The following KATNA1 variants were observed in gnomAD, a reference collection of about 807,000 sequenced individuals.
The protein encoded by KATNA1 is katanin p60 ATPase-containing subunit A1.
In KATNA1, 42 loss-of-function variants were observed where a neutral mutation model predicts 62.6. That is an observed-to-expected ratio of 0.67 (90% CI 0.52 to 0.87). KATNA1 has a LOEUF of 0.87. Among genes scored for constraint, KATNA1 ranks in the 40% least tolerant of loss-of-function variants. The pLI is 0.00. For missense variants in KATNA1, 498 were observed against 612.5 expected (o/e 0.81, Z 1.97); for synonymous variants, 186 against 201.9 (o/e 0.92, Z 0.67).
intron 7 of KATNA1, among the ~76,000 whole-genome samples, chr6:149,600,251 C>T (rs995864760): frequency 1.3e-5 from 2 of 149,298 alleles, no homozygotes; most frequent in African/African-American, 2.5e-5. Context: ...CCTGTAATCC[C>T]GGCACTTTAT....
intron 1 of KATNA1, among the ~76,000 whole-genome samples, chr6:149,641,949 C>T (rs1780308024): frequency 6.6e-6 from 1 of 152,182 alleles, no homozygotes; most frequent in South Asian, 2.1e-4. Flanking sequence ...GTTGCCCAGG[C>T]TGGAGTGCAG....
intron 4 of KATNA1, among the ~76,000 whole-genome samples, chr6:149,609,814 A>AAAAAAAAAAAAAAAAAAC (rs1562284874): frequency 1.4e-5 from 2 of 141,558 alleles, no homozygotes; most frequent in African/African-American, 5.5e-5. Flanking sequence ...AAAAAAAAAA[A>AAAAAAAAAAAAAAAAAAC]AATAGGCCAG....
At chr6:149,642,742 A>T (rs2114638495) in intron 1 of KATNA1, among the ~76,000 whole-genome samples, 1 of 152,358 alleles carries the variant, frequency 6.6e-6, no homozygotes, top group East Asian at 1.9e-4. Flanking sequence ...TAAAATACTC[A>T]TTTTTAAAGG....
At chr6:149,626,533 C>T (rs1377011842) in intron 3 of KATNA1, among the ~76,000 whole-genome samples, 1 of 149,644 alleles carries the variant, frequency 6.7e-6, no homozygotes, top group Non-Finnish European at 1.5e-5. Context: ...CCGCCCGCCT[C>T]GGCCTCCCAA....
Position 149,601,769 on chromosome 6 carries a change from AG to A in KATNA1, c.730-18del. The A allele has an allele frequency of 6.5e-7, 1 of 1,534,634 alleles. No homozygotes were observed. The highest frequency in any genetic ancestry group is 8.8e-7 in the Non-Finnish European group (1 of 1,141,502). ...CAGTACTCCCTGTTGCGAATATAATAGCCTCAGCAGAGGATTTATCTGCCAT... is the reference window on the plus strand; with the variant it reads ...CAGTACTCCCTGTTGCGAATATAATACCTCAGCAGAGGATTTATCTGCCAT... On this transcript the variant is annotated intron_variant, in intron 6 of 10. Transcript: ENST00000367411.
chr6:149,604,714 GTCTT>G lies in KATNA1; in HGVS notation c.566_569del (p.Lys189ThrfsTer2), dbSNP rs772419778. The G allele has an allele frequency of 1.4e-5, 23 of 1,611,762 alleles. No homozygotes were observed. The highest frequency in any genetic ancestry group is 2.0e-5 in the Non-Finnish European group (23 of 1,177,884). ...TATCTCTTTCCAAAGCTTCTACTAAGTCTTTATCATATCCGGTACTATCAAATTT... is the reference window on the plus strand; with the variant it reads ...TATCTCTTTCCAAAGCTTCTACTAAGTATCATATCCGGTACTATCAAATTT... On this transcript the variant is annotated frameshift_variant, in exon 5 of 11. Coordinates refer to ENST00000367411, the MANE Select transcript of KATNA1 (RefSeq NM_007044.4). LOFTEE classifies it high-confidence loss of function.
intron 3 of KATNA1, among the ~76,000 whole-genome samples, chr6:149,625,614 AC>A (rs1405407136): frequency 5.3e-5 from 8 of 151,914 alleles, no homozygotes; most frequent in African/African-American, 1.9e-4. Flanking sequence ...TGGGAAACAG[AC>A]CACGACTGTC....
chr6:149,641,602 A>G (rs1252990376), intron 1 of KATNA1, among the ~76,000 whole-genome samples: 4 of 152,192 alleles, frequency 2.6e-5, no homozygotes, highest in African/African-American at 7.2e-5. Context: ...TCTCAACTGA[A>G]TAAGAACACA....
rs542448776 is a variant in KATNA1 at position 149,632,839 on chromosome 6, G to A, written c.240C>T (p.Ser80=). 3.1e-6 allele frequency: 5 copies of A among 1,613,344 alleles called. No homozygotes were observed. The highest frequency in any genetic ancestry group is 1.3e-5 in the African/African-American group (1 of 74,990). The stretch of plus-strand genomic sequence containing the variant: ...CATGCTGTGCCGCTTTCAAGGGAGT[G>A]CTGTCCAGTTTAAAGCTCTCTAGTG... ...MKTLESFKLD[S]TPLKAAQHDL... Residue 80 remains serine (S), a synonymous_variant, in exon 3 of 11, where the codon AGC becomes AGT. Transcript: ENST00000367411.
chr6:149,645,566 T>C (rs1020726412), intron 1 of KATNA1, among the ~76,000 whole-genome samples: 4 of 152,052 alleles, frequency 2.6e-5, no homozygotes, highest in Non-Finnish European at 5.9e-5. Context: ...AAAGATGAGA[T>C]TGCCCCAAAA....
chr6:149,640,458 T>G (rs1373899818), intron 1 of KATNA1, among the ~76,000 whole-genome samples: 1 of 152,060 alleles, frequency 6.6e-6, no homozygotes, highest in African/African-American at 2.4e-5. Context: ...AGTGAGACTG[T>G]GTCTCAAGAA....
intron 3 of KATNA1, among the ~76,000 whole-genome samples, chr6:149,626,856 C>T (rs779452125): frequency 6.0e-5 from 9 of 151,096 alleles, no homozygotes; most frequent in Non-Finnish European, 1.0e-4. Context: ...TGGTGGCAGG[C>T]GCCTATAATC....
intron 3 of KATNA1, among the ~76,000 whole-genome samples, chr6:149,628,264 ATTT>A (rs554916406): frequency 7.7e-6 from 1 of 129,580 alleles, no homozygotes; most frequent in African/African-American, 2.9e-5. Flanking sequence ...TGCCCGGCTA[ATTT>A]TTTTTTTTTT....
At chr6:149,614,407 T>G (rs1344341469) in intron 4 of KATNA1, among the ~76,000 whole-genome samples, 1 of 152,210 alleles carries the variant, frequency 6.6e-6, no homozygotes, top group Non-Finnish European at 1.5e-5. Context: ...CATTTTTCTC[T>G]TTTTTCCCTT....
chr6:149,602,277 G>A (rs1325731767), intron 6 of KATNA1, among the ~76,000 whole-genome samples: 1 of 152,144 alleles, frequency 6.6e-6, no homozygotes, highest in East Asian at 1.9e-4. Context: ...TGAGGCAGCG[G>A]AATCAATTCA....
chr6:149,608,593 G>A (rs369123837), intron 4 of KATNA1, among the ~76,000 whole-genome samples: 1 of 152,202 alleles, frequency 6.6e-6, no homozygotes, highest in East Asian at 1.9e-4. Flanking sequence ...GAAGCCTACA[G>A]TGAGTTACCT....
chr6:149,636,994 G>T lies in KATNA1; in HGVS notation c.162+1392C>A, dbSNP rs74397257. On this transcript the variant is annotated intron_variant, in intron 2 of 10. Transcript: ENST00000367411. ...TCTTTGACATAGTTGAGCCTTGTTA[G>T]AAATACCACCCTCCACTGGACCTGT... 3.6e-3 allele frequency among the ~76,000 whole-genome samples: 552 copies of T among 151,960 alleles called. 3 individuals carry two copies. The highest frequency in any genetic ancestry group is 0.013 in the African/African-American group (525 of 41,456).
intron 3 of KATNA1, among the ~76,000 whole-genome samples, chr6:149,629,278 G>C (rs974407752): frequency 6.6e-6 from 1 of 152,118 alleles, no homozygotes; most frequent in Non-Finnish European, 1.5e-5. Flanking sequence ...TAAAGCCCCA[G>C]TGCGCAATAT....
chr6:149,634,127 G>A (rs954604154), intron 2 of KATNA1, among the ~76,000 whole-genome samples: 1 of 151,616 alleles, frequency 6.6e-6, no homozygotes, highest in African/African-American at 2.4e-5. Flanking sequence ...ACAAAAATTA[G>A]CTGGGTGTGG....
Sources: gnomAD v4.1 joint callset for allele counts (sites outside exome capture counted in the v4.1 genomes callset) on GRCh38, gnomAD v4.1.1 for gene constraint, MANE v1.5 for transcripts, NCBI Gene and HGNC (gene_info 2026-07-23, HGNC 2026-07-21) for gene names.